Variants in ORC5 observed in about 807,000 individuals in gnomAD.
ORC5 encodes the protein origin recognition complex subunit 5.
In ORC5, 39 loss-of-function variants were observed where a neutral mutation model predicts 58.8. The observed-to-expected ratio is 0.66, with a 90% confidence interval of 0.51 to 0.87. The LOEUF is 0.87. ORC5 is among the 40% of genes least tolerant of loss of function. The pLI is 0.00. For missense variants in ORC5, 493 were observed against 506.3 expected (o/e 0.97, Z 0.25); for synonymous variants, 218 against 177.6 (o/e 1.23, Z -1.81).
At chr7:104,197,889 T>C (rs1407795826) in intron 3 of ORC5, 90 bp from the exon 4 acceptor site, 2 of 763,496 alleles carry the variant, frequency 2.6e-6, no homozygotes, top group Admixed American at 3.0e-5. Flanking sequence ...CCAAAGTTCA[T>C]GTGTTGGAAC....
At chr7:104,171,660 C>T (rs549008167) in intron 8 of ORC5, among the ~76,000 whole-genome samples, 2 of 152,160 alleles carry the variant, frequency 1.3e-5, no homozygotes, top group South Asian at 2.1e-4. Flanking sequence ...GACTATCATG[C>T]TAACTCTGGC....
intron 1 of ORC5, among the ~76,000 whole-genome samples, chr7:104,207,508 G>A (rs1201742043): frequency 1.3e-5 from 2 of 152,210 alleles, no homozygotes; most frequent in Non-Finnish European, 2.9e-5. Context: ...AAACACATCT[G>A]TTACATAAAT....
chr7:104,172,370 T>C (rs544705025), intron 8 of ORC5, among the ~76,000 whole-genome samples: 30 of 152,338 alleles, frequency 2.0e-4, no homozygotes, highest in Non-Finnish European at 3.7e-4. Flanking sequence ...AAACTCTCAT[T>C]AAATGAATTT....
At chr7:104,149,981 T>C (rs1798819199) in intron 12 of ORC5, among the ~76,000 whole-genome samples, 1 of 152,198 alleles carries the variant, frequency 6.6e-6, no homozygotes, top group Admixed American at 6.5e-5. Context: ...GTTATGTCCT[T>C]TGTTCTCATC....
chr7:104,184,969 C>T (rs987454247), intron 6 of ORC5, among the ~76,000 whole-genome samples: 14 of 152,266 alleles, frequency 9.2e-5, no homozygotes, highest in African/African-American at 3.1e-4. Flanking sequence ...TTATGCCATG[C>T]TCCAAGCCCA....
intron 3 of ORC5, among the ~76,000 whole-genome samples, chr7:104,199,474 T>C (rs1405275447): frequency 6.6e-6 from 1 of 152,184 alleles, no homozygotes; most frequent in Admixed American, 6.5e-5. Context: ...ATGTGAGGCA[T>C]GGAGTCAAAG....
At chr7:104,158,480 T>C (rs12705179) in intron 12 of ORC5, among the ~76,000 whole-genome samples, 87,210 of 151,222 alleles carry the variant, frequency 0.58, 28,956 homozygotes, top group Non-Finnish European at 0.76. Context: ...ACAAATGGGA[T>C]CTAATTAAAC....
intron 11 of ORC5, among the ~76,000 whole-genome samples, chr7:104,164,632 G>C (rs561622101): frequency 6.6e-6 from 1 of 152,178 alleles, no homozygotes; most frequent in African/African-American, 2.4e-5. Flanking sequence ...AAAAGCAACA[G>C]TGGTTTGGAC....
chr7:104,126,867 T>C lies in ORC5; in HGVS notation c.1289A>G (p.Tyr430Cys). ...TTGTTTTCACAAGAAATCATACAAG[T>C]ATTTTATTATGTCAAAGTTCACCGT... ...ARTVNFDIIK[Y>C]LYDFL Residue 430 changes from tyrosine (Y) to cysteine (C), a missense_variant, in exon 14 of 14, where the codon TAC becomes TGC. Around this residue, in one of 3 missense-constraint regions of ORC5, gnomAD observed 77 missense variants for 86.1 expected, o/e 0.89. Transcript: ENST00000297431. 6.2e-7 allele frequency: 1 copy of C among 1,607,936 alleles called. No homozygotes were observed. The highest frequency in any genetic ancestry group is 1.1e-5 in the South Asian group (1 of 90,502).
chr7:104,148,113 A>G (rs960417342), intron 12 of ORC5, among the ~76,000 whole-genome samples: 1 of 152,182 alleles, frequency 6.6e-6, no homozygotes, highest in African/African-American at 2.4e-5. Flanking sequence ...TCTGTGACAG[A>G]CATTGTGCAT....
At position 104,204,620 on chromosome 7, in the gene ORC5, C is replaced by T. The variant is rs187132893; in HGVS notation, c.73-386G>A. 2.2e-4 allele frequency among the ~76,000 whole-genome samples: 33 copies of T among 152,104 alleles called. No homozygotes were observed. In the East Asian group the frequency reaches 6.2e-3, roughly 28 times the overall value. On this transcript the variant is annotated intron_variant, in intron 1 of 13. Transcript: ENST00000297431. ...TAAAGACTCTTATCTCCTGCGATGC[C>T]ACAACTTCACTATACATTTTAATGC...
intron 4 of ORC5, among the ~76,000 whole-genome samples, chr7:104,195,616 C>T (rs1799783487): frequency 6.6e-6 from 1 of 152,128 alleles, no homozygotes; most frequent in Non-Finnish European, 1.5e-5. Flanking sequence ...GTCTTGAACT[C>T]CTGGACTCAA....
At chr7:104,202,630 T>A (rs1799972805) in intron 2 of ORC5, 1 of 399,596 alleles carries the variant, frequency 2.5e-6, no homozygotes, top group Admixed American at 3.0e-5. Flanking sequence ...TGGAATACAG[T>A]CCTTAAATAT....
intron 8 of ORC5, 55 bp downstream of exon 8, chr7:104,183,888 T>C: frequency 8.7e-7 from 1 of 1,144,742 alleles, no homozygotes; most frequent in Non-Finnish European, 1.3e-6. Flanking sequence ...GTTGAGAGAG[T>C]ATATATCCCA....
chr7:104,168,350 G>C (rs748615103), intron 9 of ORC5, 123 bp downstream of exon 9: 1 of 1,428,374 alleles, frequency 7.0e-7, no homozygotes, highest in Non-Finnish European at 9.3e-7. Context: ...ATTATAGCTT[G>C]AAAAGTAAAT....
At chr7:104,179,303 A>C (rs1799387594) in intron 8 of ORC5, among the ~76,000 whole-genome samples, 1 of 152,198 alleles carries the variant, frequency 6.6e-6, no homozygotes, top group Non-Finnish European at 1.5e-5. Flanking sequence ...TTTGTCCTAA[A>C]TGTAGTTATT....
intron 2 of ORC5, 58 bp downstream of exon 2, chr7:104,204,084 C>T (rs977904888): frequency 2.4e-6 from 2 of 836,028 alleles, no homozygotes; most frequent in African/African-American, 1.7e-5. Context: ...TCACAATTAT[C>T]AGTACCAATA....
chr7:104,190,488 A>G (rs7811249), intron 5 of ORC5, among the ~76,000 whole-genome samples: 4,333 of 152,214 alleles, frequency 0.028, 186 homozygotes, highest in African/African-American at 0.099. Flanking sequence ...TACTTCTATT[A>G]TATCTCAGAC....
intron 8 of ORC5, among the ~76,000 whole-genome samples, chr7:104,180,898 T>A (rs1453274995): frequency 6.6e-6 from 1 of 152,196 alleles, no homozygotes; most frequent in African/African-American, 2.4e-5. Context: ...TCATCAAATT[T>A]TTATCCATGG....
Sources: allele counts gnomAD v4.1 joint callset (sites outside exome capture counted in the v4.1 genomes callset), GRCh38; gene constraint gnomAD v4.1.1; regional missense constraint gnomAD v4.1.1; transcripts MANE v1.5; gene names NCBI Gene and HGNC (gene_info 2026-07-23, HGNC 2026-07-21).